The following PPP3CC variants were observed in gnomAD, a reference collection of about 807,000 sequenced individuals.
PPP3CC encodes the protein protein phosphatase 3 catalytic subunit gamma, also known as serine/threonine-protein phosphatase 2B catalytic subunit gamma isoform.
A neutral mutation model predicts 60.3 loss-of-function variants in PPP3CC; 35 were observed. The observed-to-expected ratio is 0.58, with a 90% CI of 0.44 to 0.77. The LOEUF is 0.77. Among genes scored for constraint, PPP3CC ranks in the 30% least tolerant of loss-of-function variants. The probability of loss-of-function intolerance (pLI) is 0.00; values close to 1 mark genes in which losing one functional copy is unlikely to be tolerated. For synonymous variants in PPP3CC, 206 were observed against 224.3 expected, an observed-to-expected ratio of 0.92 and a Z score of 0.73; for missense variants, 570 against 628.9, an observed-to-expected ratio of 0.91 and a Z score of 1.00.
At chr8:22,444,750 G>A (rs1836773103) in intron 1 of PPP3CC, among the ~76,000 whole-genome samples, 1 of 152,166 alleles carries the variant, frequency 6.6e-6, no homozygotes, top group African/African-American at 2.4e-5. Flanking sequence ...TAGCATTTCT[G>A]TGAGCCTTTA....
At chr8:22,539,566 A>G (rs371937712) in intron 13 of PPP3CC, 68 bp downstream of exon 13, 190 of 1,477,082 alleles carry the variant, frequency 1.3e-4, no homozygotes, top group Non-Finnish European at 1.6e-4. Flanking sequence ...AGCTTTATCA[A>G]CATTTCAAAT....
chr8:22,479,248 G>A (rs993473737), intron 3 of PPP3CC, among the ~76,000 whole-genome samples: 1 of 151,540 alleles, frequency 6.6e-6, no homozygotes, highest in Non-Finnish European at 1.5e-5. Flanking sequence ...ATTTTTAATA[G>A]AAAAGTTGGG....
intron 6 of PPP3CC, among the ~76,000 whole-genome samples, chr8:22,518,281 G>A (rs902683042): frequency 6.6e-6 from 1 of 152,004 alleles, no homozygotes; most frequent in African/African-American, 2.4e-5. Context: ...GCTTAGGCTG[G>A]TCTCGAACTC....
rs118033484 is a variant in PPP3CC at position 22,534,567 on chromosome 8, G to A, written c.1321+1549G>A. ...GTAAAGCTAAACATATGTCTACCCT[G>A]TAACCCAGCAGTTCCACACCTGGTG... On this transcript the variant is annotated intron_variant, in intron 12 of 13. Coordinates refer to ENST00000240139, the MANE Select transcript of PPP3CC (RefSeq NM_005605.5). 7.9e-3 allele frequency among the ~76,000 whole-genome samples: 1,208 copies of A among 152,284 alleles called. 9 individuals carry two copies. Among genetic ancestry groups the A allele is most frequent in the Middle Eastern group, 0.037 (11 of 294 alleles).
chr8:22,489,807 A>G (rs1160603628), intron 3 of PPP3CC, among the ~76,000 whole-genome samples: 1 of 145,244 alleles, frequency 6.9e-6, no homozygotes, highest in Non-Finnish European at 1.5e-5. Context: ...ATATACATAC[A>G]TAACAAATAA....
At position 22,511,416 on chromosome 8, in the gene PPP3CC, C is replaced by T. The variant is rs112162397; in HGVS notation, c.630+185C>T. On this transcript the variant is annotated intron_variant, in intron 5 of 13. Transcript: ENST00000240139. The stretch of plus-strand genomic sequence containing the variant: ...CCTCCCGAGTAGCTGGATACAGGTG[C>T]ACACCACCACACCTGGCTAATTTTT... Among the ~76,000 whole-genome samples, 7 of 152,182 alleles carry T rather than the reference C, an allele frequency of 4.6e-5. 3 individuals are homozygous for T. Among genetic ancestry groups the T allele is most frequent in the African/African-American group, 1.7e-4 (7 of 41,530 alleles).
intron 10 of PPP3CC, chr8:22,531,321 T>C: frequency 6.5e-7 from 1 of 1,532,094 alleles, no homozygotes; most frequent in Middle Eastern, 1.7e-4. Context: ...TTCCAAGCTA[T>C]CAGAAAGGTA....
intron 3 of PPP3CC, 44 bp downstream of exon 3, chr8:22,475,668 C>T (rs2132468989): frequency 6.7e-7 from 1 of 1,485,984 alleles, no homozygotes; most frequent in Non-Finnish European, 9.0e-7. Context: ...TATTGTCTTT[C>T]AAAAAAGATG....
chr8:22,451,220 C>T (rs1837014334), intron 1 of PPP3CC, among the ~76,000 whole-genome samples: 1 of 151,560 alleles, frequency 6.6e-6, no homozygotes, highest in Non-Finnish European at 1.5e-5. Context: ...ACTGCAACCT[C>T]CGCCTCCCAG....
Position 22,532,982 on chromosome 8 carries a change from G to T in PPP3CC, c.1285G>T (p.Gly429Cys), listed in dbSNP as rs1205555981. Residue 429 changes from glycine (G) to cysteine (C), a missense_variant, in exon 12 of 14, where the codon GGC (glycine) becomes TGC (cysteine). Gly to Cys is a radical substitution (Grantham distance 159). Transcript: ENST00000240139. The part of the protein sequence containing the change: ...GLTPTGTLPL[G>C]VLSGGKQTIE... ...GACTCCCACAGGCACACTCCCTCTG[G>T]GCGTCCTCTCAGGAGGCAAGCAGAC... The T allele has an allele frequency of 8.7e-6, 14 of 1,606,118 alleles. No individual in the cohort carries two copies. The highest frequency in any genetic ancestry group is 1.2e-5 in the Non-Finnish European group (14 of 1,175,946).
intron 3 of PPP3CC, among the ~76,000 whole-genome samples, chr8:22,491,812 T>G (rs950813762): frequency 1.3e-5 from 2 of 152,224 alleles, no homozygotes; most frequent in African/African-American, 4.8e-5. Flanking sequence ...TTGAAATTTA[T>G]TGAGACTCCT....
intron 6 of PPP3CC, among the ~76,000 whole-genome samples, chr8:22,521,796 A>G (rs761400586): frequency 3.2e-4 from 48 of 152,144 alleles, no homozygotes; most frequent in Non-Finnish European, 5.6e-4. Flanking sequence ...GAGAGGTAAT[A>G]GTATGAAAAG....
intron 3 of PPP3CC, among the ~76,000 whole-genome samples, chr8:22,481,201 G>C (rs1345740297): frequency 1.3e-5 from 2 of 152,066 alleles, no homozygotes; most frequent in African/African-American, 2.4e-5. Flanking sequence ...CGGGCGTGGT[G>C]GTGGGTGCCT....
At chr8:22,505,739 A>C (rs1047585954) in intron 4 of PPP3CC, among the ~76,000 whole-genome samples, 1 of 152,212 alleles carries the variant, frequency 6.6e-6, no homozygotes, top group African/African-American at 2.4e-5. Flanking sequence ...CTCAGAGTTG[A>C]ACACTTACAT....
intron 1 of PPP3CC, among the ~76,000 whole-genome samples, chr8:22,447,048 C>G (rs1836846523): frequency 6.6e-6 from 1 of 151,612 alleles, no homozygotes. Flanking sequence ...CGCTCTGTTG[C>G]CCAGGCTGGA....
At chr8:22,448,500 C>T (rs952975194) in intron 1 of PPP3CC, among the ~76,000 whole-genome samples, 5 of 151,884 alleles carry the variant, frequency 3.3e-5, no homozygotes, top group Admixed American at 1.3e-4. Context: ...CTGCCTCAGC[C>T]TCCCGAGTAG....
Position 22,540,690 on chromosome 8 carries a change from G to A in PPP3CC, c.1427G>A (p.Arg476Gln), listed in dbSNP as rs1200851914. The change falls in exon 14 of 14, where the codon CGA (arginine) becomes CAA (glutamine). Residue 476 changes from arginine (R) to glutamine (Q), a missense_variant. Physicochemically the swap from Arg to Gln is conservative, Grantham distance 43. Transcript: ENST00000240139. The stretch of plus-strand genomic sequence containing the variant: ...CGAGGTCTGGACCGAATTAATGAGC[G>A]AATGCCACCCCGAAAGGATAGCATA... ...EARGLDRINERMPPRKDSIHA... is the reference protein window; with the variant it reads ...EARGLDRINEQMPPRKDSIHA... 1.8e-5 allele frequency: 29 copies of A among 1,614,022 alleles called. No homozygotes were observed. The highest frequency in any genetic ancestry group is 2.5e-5 in the Non-Finnish European group (29 of 1,180,026).
chr8:22,508,582 C>G (rs1838993676), intron 4 of PPP3CC, among the ~76,000 whole-genome samples: 1 of 152,060 alleles, frequency 6.6e-6, no homozygotes, highest in Non-Finnish European at 1.5e-5. Flanking sequence ...TGGAAGTAGG[C>G]TAAGGAATTA....
intron 3 of PPP3CC, among the ~76,000 whole-genome samples, chr8:22,478,188 G>A (rs1163000574): frequency 1.3e-5 from 2 of 150,998 alleles, no homozygotes; most frequent in South Asian, 2.1e-4. Flanking sequence ...GTCTTGCTCT[G>A]TTGCCCTGGC....
Sources: allele counts gnomAD v4.1 joint callset (sites outside exome capture counted in the v4.1 genomes callset), GRCh38; gene constraint gnomAD v4.1.1; transcripts MANE v1.5; gene names NCBI Gene and HGNC (gene_info 2026-07-23, HGNC 2026-07-21).